The following ANTXR1 variants were observed in gnomAD, a reference collection of about 807,000 sequenced individuals.
ANTXR1 encodes the protein anthrax toxin receptor 1.
Under a neutral mutation model 78.1 loss-of-function variants are expected in ANTXR1, and 19 were observed. The observed-to-expected ratio is 0.24, with a 90% CI of 0.17 to 0.36. The LOEUF (loss-of-function observed/expected upper bound fraction) is 0.36. Among genes scored for constraint, ANTXR1 ranks in the 10% least tolerant of loss-of-function variants. ANTXR1 has a pLI of 1.00. For missense variants in ANTXR1, 518 were observed against 718.6 expected (o/e 0.72, Z 3.19); for synonymous variants, 273 against 260.5 (o/e 1.05, Z -0.46).
intron 15 of ANTXR1, 31 bp downstream of exon 15, chr2:69,181,912 A>G (rs1260857862): frequency 1.2e-6 from 2 of 1,605,090 alleles, no homozygotes; most frequent in Admixed American, 1.7e-5. Context: ...ACACTTATCT[A>G]TGTGCTGACT....
chr2:69,027,622 G>GTA (rs1491456239), intron 1 of ANTXR1, among the ~76,000 whole-genome samples: 4 of 29,514 alleles, frequency 1.4e-4, no homozygotes, highest in Non-Finnish European at 1.7e-4. Flanking sequence ...GATGATGCAA[G>GTA]TGTGTGTGTG....
intron 1 of ANTXR1, among the ~76,000 whole-genome samples, chr2:69,038,973 A>C (rs1669533878): frequency 6.6e-6 from 1 of 152,226 alleles, no homozygotes; most frequent in African/African-American, 2.4e-5. Flanking sequence ...GAAACAAAGG[A>C]AAAACAGCAA....
chr2:69,243,595 C>G (rs1675941148), intron 17 of ANTXR1, among the ~76,000 whole-genome samples: 1 of 152,294 alleles, frequency 6.6e-6, no homozygotes, highest in Middle Eastern at 3.4e-3. Context: ...TGAGCCAAGT[C>G]TCTAATAGCA....
intron 1 of ANTXR1, among the ~76,000 whole-genome samples, chr2:69,033,143 G>T (rs1671578776): frequency 6.6e-6 from 1 of 152,208 alleles, no homozygotes; most frequent in Non-Finnish European, 1.5e-5. Context: ...CTGTCCTGGG[G>T]TCTCTGTGAC....
At chr2:69,092,571 A>G (rs929697961) in intron 9 of ANTXR1, among the ~76,000 whole-genome samples, 1 of 152,228 alleles carries the variant, frequency 6.6e-6, no homozygotes, top group Non-Finnish European at 1.5e-5. Context: ...ATCCCAAAAG[A>G]TTACCTACTG....
At chr2:69,122,987 C>CTTCTTAATCCAGTGATTTCCTTT (rs774773363) in intron 10 of ANTXR1, 30 bp from the exon 11 acceptor site, 1 of 1,608,864 alleles carries the variant, frequency 6.2e-7, no homozygotes. Context: ...TCACCTCCCT[C>CTTCTTAATCCAGTGATTTCCTTT]TTCTTAATCC....
intron 9 of ANTXR1, among the ~76,000 whole-genome samples, chr2:69,092,161 G>A (rs1246857889): frequency 6.6e-6 from 1 of 152,178 alleles, no homozygotes; most frequent in Non-Finnish European, 1.5e-5. Context: ...CAGAAAATAT[G>A]TCATACAACC....
chr2:69,117,132 G>T (rs147390496), intron 10 of ANTXR1, among the ~76,000 whole-genome samples: 1 of 152,200 alleles, frequency 6.6e-6, no homozygotes, highest in African/African-American at 2.4e-5. Flanking sequence ...CCCCTCTCCT[G>T]GAAGGCAAGC....
chr2:69,050,512 G>A (rs1669900657), intron 3 of ANTXR1, among the ~76,000 whole-genome samples: 1 of 151,462 alleles, frequency 6.6e-6, no homozygotes, highest in East Asian at 1.9e-4. Flanking sequence ...GATTACATGA[G>A]CTTGGAAAAA....
At position 69,245,536 on chromosome 2, in the gene ANTXR1, A is replaced by T; in HGVS notation, c.*51A>T. 2 of 1,607,190 alleles carry T rather than the reference A, an allele frequency of 1.2e-6. No homozygotes were observed. The highest frequency in any genetic ancestry group is 1.7e-6 in the Non-Finnish European group (2 of 1,178,192). ...TCTCAGAAACTTCAGGAGATGTTAG[A>T]ACAAGTCTTTCCAGTTAGAGAAGAG... On this transcript the variant is annotated 3_prime_UTR_variant, in exon 18 of 18. Transcript: ENST00000303714.
intron 17 of ANTXR1, among the ~76,000 whole-genome samples, chr2:69,205,042 C>T (rs945957991): frequency 2.0e-5 from 3 of 152,174 alleles, no homozygotes; most frequent in East Asian, 1.9e-4. Flanking sequence ...ATGAACAAGG[C>T]GAGATCCCTG....
In ANTXR1 at chr2:69,135,049, A is replaced by T. The variant is rs1261401563; in HGVS notation, c.951+10406A>T. The T allele has an allele frequency of 1.7e-5, 7 of 420,868 alleles. No individual in the cohort carries two copies. The Admixed American group carries it at 1.7e-4, about 10-fold the overall frequency. 26.1% of individuals were successfully genotyped at this position (420,868 alleles called of 1,614,324 possible). On this transcript the variant is annotated intron_variant, in intron 12 of 17. Coordinates refer to ENST00000303714, the MANE Select transcript of ANTXR1 (RefSeq NM_032208.3). ...AGAGACGGTAAAAGACCACAGGAATATCAGAGTGCGGAACTCAGATCTCAA... is the reference window on the plus strand; with the variant it reads ...AGAGACGGTAAAAGACCACAGGAATTTCAGAGTGCGGAACTCAGATCTCAA...
At position 69,152,234 on chromosome 2, in the gene ANTXR1, C is replaced by T. The variant is rs368459527; in HGVS notation, c.1017C>T (p.Leu339=). 2.5e-5 allele frequency: 40 copies of T among 1,614,094 alleles called. No individual in the cohort carries two copies. Among genetic ancestry groups the T allele is most frequent in the Non-Finnish European group, 3.1e-5 (36 of 1,180,044 alleles). Residue 339 remains leucine (L), a synonymous_variant, in exon 13 of 18, where the codon CTC becomes CTT. Transcript: ENST00000303714. ...TCCTGCTCCTAGCCCTGGCTCTCCTCTGGTGGTTCTGGCCCCTCTGCTGCA... is the reference window on the plus strand; with the variant it reads ...TCCTGCTCCTAGCCCTGGCTCTCCTTTGGTGGTTCTGGCCCCTCTGCTGCA... ...ILFLLLALAL[L]WWFWPLCCTV... is the part of the protein sequence containing the mutation.
intron 8 of ANTXR1, among the ~76,000 whole-genome samples, chr2:69,079,164 T>C (rs911873305): frequency 4.6e-5 from 7 of 152,172 alleles, no homozygotes; most frequent in African/African-American, 1.7e-4. Flanking sequence ...AAATTATTGA[T>C]AGCATAGAGA....
chr2:69,143,200 A>G (rs528054236), intron 12 of ANTXR1, among the ~76,000 whole-genome samples: 37 of 152,326 alleles, frequency 2.4e-4, no homozygotes, highest in Middle Eastern at 6.8e-3. Flanking sequence ...GATCATTGCA[A>G]TAATCCAGGA....
At chr2:69,076,963 T>A (rs1056755244) in intron 7 of ANTXR1, among the ~76,000 whole-genome samples, 1 of 151,920 alleles carries the variant, frequency 6.6e-6, no homozygotes, top group Non-Finnish European at 1.5e-5. Context: ...GGGTGAAAGG[T>A]GAAGGTGGCC....
At chr2:69,015,081 A>G (rs1670981736) in intron 1 of ANTXR1, among the ~76,000 whole-genome samples, 1 of 151,860 alleles carries the variant, frequency 6.6e-6, no homozygotes, top group Admixed American at 6.6e-5. Flanking sequence ...TAAAAAAAAA[A>G]AAAAAGGGGG....
rs114076763 is a variant in ANTXR1 at position 69,242,785 on chromosome 2, G to A, written c.1435-2440G>A. On this transcript the variant is annotated intron_variant, in intron 17 of 17. Coordinates refer to ENST00000303714, the MANE Select transcript of ANTXR1 (RefSeq NM_032208.3). ...ATTCATCACAGATGGTAATCATTAGGGCCCTCACATCTTAAAGGAAAGCTT... is the reference window on the plus strand; with the variant it reads ...ATTCATCACAGATGGTAATCATTAGAGCCCTCACATCTTAAAGGAAAGCTT... 2.8e-3 allele frequency among the ~76,000 whole-genome samples: 427 copies of A among 152,228 alleles called. 3 individuals are homozygous for A. Among genetic ancestry groups the A allele is most frequent in the African/African-American group, 9.6e-3 (397 of 41,528 alleles).
chr2:69,109,930 G>C lies in ANTXR1; in HGVS notation c.802+6990G>C, dbSNP rs1005737486. Among the ~76,000 whole-genome samples, 37 of 151,604 alleles carry C rather than the reference G, an allele frequency of 2.4e-4. 1 individual carries two copies. Among genetic ancestry groups the C allele is most frequent in the African/African-American group, 9.0e-4 (37 of 41,262 alleles). ...AAAATAGGATATATAACAAACATAG[G>C]GTCAATAAACTTAGTATAAAGACAA... On this transcript the variant is annotated intron_variant, in intron 10 of 17. Coordinates refer to ENST00000303714, the MANE Select transcript of ANTXR1 (RefSeq NM_032208.3).
Sources: allele counts gnomAD v4.1 joint callset (sites outside exome capture counted in the v4.1 genomes callset), GRCh38; gene constraint gnomAD v4.1.1; transcripts MANE v1.5; gene names NCBI Gene and HGNC (gene_info 2026-07-23, HGNC 2026-07-21).